NYAP2: variants seen among roughly 807,000 people sequenced by gnomAD.
NYAP2 encodes neuronal tyrosine-phosphorylated phosphoinositide-3-kinase adaptor 2.
NYAP2 carries 23 observed loss-of-function variants against 50.4 expected under a neutral mutation model. That is an observed-to-expected ratio of 0.46 (90% CI 0.33 to 0.65). The LOEUF (loss-of-function observed/expected upper bound fraction) is 0.65, where lower values mean the gene tolerates loss of function less well. NYAP2 is among the 30% of genes least tolerant of loss of function. The probability of loss-of-function intolerance (pLI) is 0.02; values close to 1 mark genes in which losing one functional copy is unlikely to be tolerated. For missense variants in NYAP2, 885 were observed against 861.0 expected, an observed-to-expected ratio of 1.03 and a Z score of -0.35; for synonymous variants, 394 against 365.2, an observed-to-expected ratio of 1.08 and a Z score of -0.90.
chr2:225,643,655 C>A (rs201832142), intron 6 of NYAP2, among the ~76,000 whole-genome samples: 1 of 124,784 alleles, frequency 8.0e-6, no homozygotes. Flanking sequence ...CATGTGTTCT[C>A]ATTGTTCAAT....
exon 7 of NYAP2, chr2:225,652,240 T>C (rs772550630): frequency 6.6e-6 from 1 of 152,158 alleles, no homozygotes; most frequent in East Asian, 1.9e-4. Flanking sequence ...AATCTAGATA[T>C]TTAACAAAAA....
Position 225,582,302 on chromosome 2 carries a change from G to A in NYAP2, c.885G>A (p.Gln295=). Residue 295 remains glutamine (Q), a synonymous_variant, in exon 5 of 7, where the codon CAG becomes CAA. Transcript: ENST00000636099. This position sits in a 1 kb window ranked among gnomAD's most constrained non-coding sequence, Gnocchi z 7.0. Reference sequence around the variant, plus strand: ...TCGACCATCACAGCTGTTCTTCGCAGTGTGCTACTCCCACGGTGCCTGACT... The same window carrying A: ...TCGACCATCACAGCTGTTCTTCGCAATGTGCTACTCCCACGGTGCCTGACT... The A allele has an allele frequency of 6.2e-7, 1 of 1,614,030 alleles. No individual in the cohort carries two copies. The highest frequency in any genetic ancestry group is 8.5e-7 in the Non-Finnish European group (1 of 1,179,904).
At chr2:225,643,740 A>G (rs1283935021) in intron 6 of NYAP2, among the ~76,000 whole-genome samples, 1 of 151,726 alleles carries the variant, frequency 6.6e-6, no homozygotes, top group African/African-American at 2.4e-5. Flanking sequence ...GATGATTTCC[A>G]CTTTCATCCA....
At chr2:225,539,135 G>T (rs1164808272) in intron 4 of NYAP2, among the ~76,000 whole-genome samples, 1 of 152,096 alleles carries the variant, frequency 6.6e-6, no homozygotes, top group African/African-American at 2.4e-5. Flanking sequence ...TGAGAATGAT[G>T]ATTTCTAGCT....
In NYAP2 at chr2:225,458,287, G is replaced by A. The variant is rs564812805; in HGVS notation, c.221+49186G>A. Among the ~76,000 whole-genome samples, 3 of 152,258 alleles carry A rather than the reference G, an allele frequency of 2.0e-5. No homozygotes were observed. In the East Asian group the frequency reaches 5.8e-4, roughly 29 times the overall value. On this transcript the variant is annotated intron_variant, in intron 3 of 6. Transcript: ENST00000636099. ...GGATCGCTTGAGTGGGGAGGTTGAG[G>A]CTGAAGTGAGCCATGATTGTGCCAC...
intron 3 of NYAP2, among the ~76,000 whole-genome samples, chr2:225,414,878 G>A (rs1340332886): frequency 3.9e-5 from 6 of 152,110 alleles, no homozygotes; most frequent in Admixed American, 2.0e-4. Flanking sequence ...TTTTAAAAAC[G>A]ATATACGAAA....
chr2:225,621,810 G>A (rs1574714092), intron 5 of NYAP2, among the ~76,000 whole-genome samples: 1 of 151,780 alleles, frequency 6.6e-6, no homozygotes. Flanking sequence ...GCTGTGACTG[G>A]CTTATTTTAC....
chr2:225,623,373 A>T (rs1242202798), intron 5 of NYAP2, among the ~76,000 whole-genome samples: 1 of 152,238 alleles, frequency 6.6e-6, no homozygotes, highest in East Asian at 1.9e-4. Context: ...ATATTATTGT[A>T]ACTAGTAGCT....
intron 3 of NYAP2, among the ~76,000 whole-genome samples, chr2:225,431,453 T>C (rs779523900): frequency 6.6e-6 from 1 of 152,212 alleles, no homozygotes; most frequent in Non-Finnish European, 1.5e-5. Context: ...AACAGGCAAC[T>C]CCCAAGATCC....
intron 4 of NYAP2, among the ~76,000 whole-genome samples, chr2:225,549,940 G>C (rs1463979239): frequency 2.6e-5 from 4 of 151,612 alleles, no homozygotes; most frequent in Non-Finnish European, 5.9e-5. Flanking sequence ...AGCCGAGATT[G>C]TACCACTGCA....
the NYAP2 span, among the ~76,000 whole-genome samples, chr2:225,672,307 GA>G: frequency 6.6e-6 from 1 of 152,214 alleles, no homozygotes; most frequent in South Asian, 2.1e-4. Context: ...TTTATGTTAT[GA>G]AAATGGCTAC....
intron 4 of NYAP2, among the ~76,000 whole-genome samples, chr2:225,539,858 A>T (rs10203593): frequency 0.21 from 32,592 of 152,066 alleles, 3,493 homozygotes; most frequent in African/African-American, 0.23. Context: ...TTCCCTTATA[A>T]AATGGAATGC....
chr2:225,398,872 G>A (rs1426574153), upstream of NYAP2, among the ~76,000 whole-genome samples: 4 of 152,034 alleles, frequency 2.6e-5, no homozygotes, highest in Middle Eastern at 9.5e-3. Context: ...AAGCTTTATA[G>A]TAATGTAATG....
At chr2:225,564,349 T>C (rs957699585) in intron 4 of NYAP2, among the ~76,000 whole-genome samples, 5 of 151,780 alleles carry the variant, frequency 3.3e-5, no homozygotes, top group Admixed American at 2.0e-4. Flanking sequence ...TTTTCCATTG[T>C]CCACTGCTAC....
the NYAP2 span, among the ~76,000 whole-genome samples, chr2:225,676,878 C>T: frequency 6.6e-6 from 1 of 152,108 alleles, no homozygotes; most frequent in Non-Finnish European, 1.5e-5. Flanking sequence ...GTTAGAATTG[C>T]TTTGACTATT....
Position 225,410,602 on chromosome 2 carries a change from A to G in NYAP2, c.221+1501A>G, listed in dbSNP as rs10177205. On this transcript the variant is annotated intron_variant, in intron 3 of 6. Coordinates refer to ENST00000636099, the Ensembl canonical transcript of NYAP2. Reference sequence around the variant, plus strand: ...TTTGTAATCTTGGCATTAAAACTCAATAATAAATCCTTTTCTATAAGCATA... The same window carrying G: ...TTTGTAATCTTGGCATTAAAACTCAGTAATAAATCCTTTTCTATAAGCATA... 9.8e-3 allele frequency among the ~76,000 whole-genome samples: 1,485 copies of G among 152,264 alleles called. 19 individuals carry two copies. Among genetic ancestry groups the G allele is most frequent in the Middle Eastern group, 0.051 (15 of 294 alleles).
intron 5 of NYAP2, among the ~76,000 whole-genome samples, chr2:225,607,206 T>A (rs530271753): frequency 6.6e-6 from 1 of 152,094 alleles, no homozygotes; most frequent in Non-Finnish European, 1.5e-5. Context: ...ATTTCAGAGA[T>A]GGTATGGCCT....
chr2:225,562,324 T>TGTG (rs1304499034), intron 4 of NYAP2, among the ~76,000 whole-genome samples: 9 of 152,152 alleles, frequency 5.9e-5, no homozygotes, highest in Non-Finnish European at 1.0e-4. Context: ...ATCCAGGGCA[T>TGTG]GTGGCTTCCT....
downstream of NYAP2, among the ~76,000 whole-genome samples, chr2:225,657,100 T>TC (rs1164866983): frequency 3.1e-4 from 44 of 140,048 alleles, no homozygotes; most frequent in Non-Finnish European, 6.0e-4. Context: ...GAAATCTAAT[T>TC]CCTTTTTTTT....
Sources: gnomAD v4.1 joint callset for allele counts (sites outside exome capture counted in the v4.1 genomes callset) on GRCh38, gnomAD v4.1.1 for gene constraint, Gnocchi (gnomAD v3.1) non-coding constraint, MANE v1.5 for transcripts, NCBI Gene and HGNC (gene_info 2026-07-23, HGNC 2026-07-21) for gene names.